RPS6KC1: variants seen among roughly 807,000 people sequenced by gnomAD.
RPS6KC1 encodes the protein ribosomal protein S6 kinase C1, also known as inactive ribosomal protein S6 kinase delta-1.
A neutral mutation model predicts 103.8 loss-of-function variants in RPS6KC1; 54 were observed. That is an observed-to-expected ratio of 0.52 (90% CI 0.42 to 0.65). The LOEUF (loss-of-function observed/expected upper bound fraction) is 0.65. RPS6KC1 is among the 30% of genes least tolerant of loss of function. RPS6KC1 has a pLI of 0.00. For synonymous variants in RPS6KC1, 439 were observed against 438.7 expected, an observed-to-expected ratio of 1.00 and a Z score of -0.01; for missense variants, 1,151 against 1,253.8, an observed-to-expected ratio of 0.92 and a Z score of 1.24.
chr1:213,854,561 T>TTTC, the RPS6KC1 span, among the ~76,000 whole-genome samples: 26 of 94,992 alleles, frequency 2.7e-4, no homozygotes, highest in South Asian at 6.8e-3. Context: ...TCTTTCTTTC[T>TTTC]TTCTCTCTCT....
the RPS6KC1 span, among the ~76,000 whole-genome samples, chr1:213,414,375 G>A: frequency 6.6e-6 from 1 of 152,148 alleles, no homozygotes; most frequent in Non-Finnish European, 1.5e-5. Context: ...ATTAAGGTAA[G>A]GATCAAAATG....
the RPS6KC1 span, among the ~76,000 whole-genome samples, chr1:213,667,628 A>G: frequency 4.6e-5 from 7 of 152,174 alleles, no homozygotes; most frequent in African/African-American, 1.7e-4. Flanking sequence ...TTCTTAAAAT[A>G]GTACAGTGAA....
the RPS6KC1 span, among the ~76,000 whole-genome samples, chr1:213,292,863 C>T: frequency 6.6e-6 from 1 of 152,132 alleles, no homozygotes; most frequent in African/African-American, 2.4e-5. Context: ...GGCTCCCCCA[C>T]AATGTTTCCT....
chr1:213,333,604 G>A, the RPS6KC1 span, among the ~76,000 whole-genome samples: 3 of 152,112 alleles, frequency 2.0e-5, no homozygotes, highest in African/African-American at 7.2e-5. Flanking sequence ...GTGGTGCCGC[G>A]TGTTGCAGGT....
At chr1:213,574,026 G>A in the RPS6KC1 span, among the ~76,000 whole-genome samples, 1,454 of 152,318 alleles carry the variant, frequency 9.5e-3, 15 homozygotes, top group Middle Eastern at 0.027. Flanking sequence ...TAGATTTGCT[G>A]CATCAGCTGT....
the RPS6KC1 span, among the ~76,000 whole-genome samples, chr1:213,343,712 T>TG: frequency 6.6e-6 from 1 of 151,762 alleles, no homozygotes; most frequent in African/African-American, 2.4e-5. Context: ...GCTTGGGTAG[T>TG]GGGTGCACCA....
chr1:213,536,882 G>A, the RPS6KC1 span, among the ~76,000 whole-genome samples: 1 of 152,152 alleles, frequency 6.6e-6, no homozygotes, highest in Non-Finnish European at 1.5e-5. Context: ...ACATACAGGG[G>A]AGAGCCCAGT....
the RPS6KC1 span, among the ~76,000 whole-genome samples, chr1:213,793,575 G>A: frequency 6.6e-6 from 1 of 152,012 alleles, no homozygotes; most frequent in Non-Finnish European, 1.5e-5. Context: ...TGCCCATAAC[G>A]GCCTGGATAA....
At chr1:213,527,214 AGAG>A in the RPS6KC1 span, among the ~76,000 whole-genome samples, 1 of 152,386 alleles carries the variant, frequency 6.6e-6, no homozygotes, top group South Asian at 2.1e-4. Context: ...TGCACAATGC[AGAG>A]GAGGAGACTA....
the RPS6KC1 span, among the ~76,000 whole-genome samples, chr1:213,636,167 C>G: frequency 2.0e-5 from 3 of 152,134 alleles, no homozygotes; most frequent in Admixed American, 6.5e-5. Context: ...TAGGAAGAAT[C>G]AATATTGTGA....
chr1:213,764,718 G>A, the RPS6KC1 span, among the ~76,000 whole-genome samples: 2 of 152,188 alleles, frequency 1.3e-5, no homozygotes, highest in South Asian at 2.1e-4. Flanking sequence ...CCAGGTGCAA[G>A]CTGGAGTGTT....
the RPS6KC1 span, among the ~76,000 whole-genome samples, chr1:213,362,155 G>C: frequency 6.6e-6 from 1 of 152,166 alleles, no homozygotes; most frequent in African/African-American, 2.4e-5. Flanking sequence ...GAGGGAGAGG[G>C]GCACAGCAGA....
rs561859163 is a variant in RPS6KC1 at position 213,197,980 on chromosome 1, A to T, written c.1044+21488A>T. 2.6e-5 allele frequency among the ~76,000 whole-genome samples: 4 copies of T among 152,216 alleles called. No individual in the cohort carries two copies. The South Asian group carries it at 8.3e-4, about 32-fold the overall frequency. Reference sequence around the variant, plus strand: ...GTATTGAGATATGAGGTATTGTTCTATTCCTGATGCTAGTTGTTGCCTGAA... The same window carrying T: ...GTATTGAGATATGAGGTATTGTTCTTTTCCTGATGCTAGTTGTTGCCTGAA... On this transcript the variant is annotated intron_variant, in intron 8 of 14. Transcript: ENST00000366960.
chr1:213,717,280 C>A, the RPS6KC1 span, among the ~76,000 whole-genome samples: 2 of 152,210 alleles, frequency 1.3e-5, no homozygotes, highest in African/African-American at 4.8e-5. Context: ...ACTGCAGAAA[C>A]ACAGGAGAGA....
the RPS6KC1 span, among the ~76,000 whole-genome samples, chr1:213,742,689 G>A: frequency 6.6e-6 from 1 of 152,374 alleles, no homozygotes; most frequent in African/African-American, 2.4e-5. Context: ...TGGGGCTCTT[G>A]CCCATGAAGT....
At position 213,148,601 on chromosome 1, in the gene RPS6KC1, GC is replaced by G. The variant is rs577393206; in HGVS notation, c.835+18713del. Reference sequence around the variant, plus strand: ...TGTTAGTATTTTGTTGAGGATTTTTGCATCAATATTTATCAGAGATATTGGT... The same window carrying G: ...TGTTAGTATTTTGTTGAGGATTTTTGATCAATATTTATCAGAGATATTGGT... On this transcript the variant is annotated intron_variant, in intron 6 of 14. Coordinates refer to ENST00000366960, the MANE Select transcript of RPS6KC1 (RefSeq NM_012424.6). Among the ~76,000 whole-genome samples, 373 of 152,162 alleles carry G rather than the reference GC, an allele frequency of 2.5e-3. 2 individuals are homozygous for G. Among genetic ancestry groups the G allele is most frequent in the Non-Finnish European group, 3.9e-3 (268 of 67,964 alleles).
the RPS6KC1 span, among the ~76,000 whole-genome samples, chr1:213,583,091 T>G: frequency 6.6e-6 from 1 of 152,236 alleles, no homozygotes; most frequent in Non-Finnish European, 1.5e-5. Context: ...CGTGCATCAC[T>G]AGTTGTTTGT....
chr1:213,139,402 A>G (rs1467192489), intron 6 of RPS6KC1, among the ~76,000 whole-genome samples: 1 of 152,078 alleles, frequency 6.6e-6, no homozygotes, highest in Non-Finnish European at 1.5e-5. Context: ...AGTCTTTGTC[A>G]TGAAGTCTTT....
At chr1:213,488,281 G>T in the RPS6KC1 span, among the ~76,000 whole-genome samples, 5 of 152,326 alleles carry the variant, frequency 3.3e-5, no homozygotes, top group South Asian at 1.0e-3. Context: ...TAGCTGAACT[G>T]TCTACAACAT....
Sources: gnomAD v4.1 joint callset for allele counts (sites outside exome capture counted in the v4.1 genomes callset) on GRCh38, gnomAD v4.1.1 for gene constraint, MANE v1.5 for transcripts, NCBI Gene and HGNC (gene_info 2026-07-23, HGNC 2026-07-21) for gene names.